Variants in PACRG observed in about 807,000 individuals in gnomAD.
The protein encoded by PACRG is parkin coregulated gene protein.
Under a neutral mutation model 29.7 loss-of-function variants are expected in PACRG, and 29 were observed. The ratio of observed to expected loss-of-function variants is 0.98; its 90% CI spans 0.73 to 1.33. PACRG has a LOEUF of 1.33. Ranked by LOEUF, PACRG falls within the 40% of genes most tolerant of loss-of-function variation. The probability of loss-of-function intolerance (pLI) is 0.00; values close to 1 mark genes in which losing one functional copy is unlikely to be tolerated. For missense variants in PACRG, 279 were observed against 316.2 expected (o/e 0.88, Z 0.89); for synonymous variants, 116 against 118.7 (o/e 0.98, Z 0.15).
At chr6:162,819,412 CAT>C (rs796543766) in intron 2 of PACRG, among the ~76,000 whole-genome samples, 2 of 152,170 alleles carry the variant, frequency 1.3e-5, no homozygotes, top group South Asian at 4.1e-4. Context: ...TGTTGACATA[CAT>C]ATGTCATTTA....
chr6:162,988,169 A>C (rs1803072030), intron 2 of PACRG, among the ~76,000 whole-genome samples: 2 of 152,178 alleles, frequency 1.3e-5, no homozygotes, highest in Admixed American at 6.6e-5. Flanking sequence ...TTTTCTCTCC[A>C]TCCAAGTGGG....
At chr6:163,297,184 C>T (rs1238352929) in intron 4 of PACRG, among the ~76,000 whole-genome samples, 2 of 152,148 alleles carry the variant, frequency 1.3e-5, no homozygotes, top group Non-Finnish European at 2.9e-5. Flanking sequence ...ACTTTGTCTC[C>T]CTATTATTCA....
At chr6:162,898,090 C>T (rs1235756771) in intron 2 of PACRG, among the ~76,000 whole-genome samples, 1 of 152,188 alleles carries the variant, frequency 6.6e-6, no homozygotes. Context: ...TGAAGTTTTG[C>T]CCTCCTAAGA....
At chr6:162,727,949 T>C, upstream of PACRG, 1 of 594,208 alleles carries the variant, frequency 1.7e-6, no homozygotes. Flanking sequence ...GGGGCGGGGC[T>C]ATGCGCCCGC....
intron 3 of PACRG, among the ~76,000 whole-genome samples, chr6:163,073,777 G>GA (rs1431551715): frequency 6.6e-6 from 1 of 152,160 alleles, no homozygotes; most frequent in African/African-American, 2.4e-5. Context: ...CAAAATATCT[G>GA]AATAGACATT....
intron 1 of PACRG, among the ~76,000 whole-genome samples, chr6:162,767,958 T>G (rs1782926752): frequency 1.3e-5 from 2 of 152,054 alleles, no homozygotes; most frequent in South Asian, 4.1e-4. Flanking sequence ...TTAATCTGTG[T>G]TTTTCACTAT....
Position 162,908,036 on chromosome 6 carries a change from A to G in PACRG, c.291+93755A>G, listed in dbSNP as rs958904089. Reference sequence around the variant, plus strand: ...TTCCTGCAAATTTTGAGAGTTATACATACGCCTCTCAAATAAATTGAAACT... The same window carrying G: ...TTCCTGCAAATTTTGAGAGTTATACGTACGCCTCTCAAATAAATTGAAACT... On this transcript the variant is annotated intron_variant, in intron 2 of 4. Transcript: ENST00000366888. Among the ~76,000 whole-genome samples, 4 of 152,368 alleles carry G rather than the reference A, an allele frequency of 2.6e-5. No homozygotes were observed. The South Asian group carries it at 8.3e-4, about 32-fold the overall frequency.
In PACRG at chr6:163,303,085, C is replaced by T. The variant is rs78048531; in HGVS notation, c.614-11742C>T. Among the ~76,000 whole-genome samples, 792 of 152,276 alleles carry T rather than the reference C, an allele frequency of 5.2e-3. 8 individuals are homozygous for T. The highest frequency in any genetic ancestry group is 0.018 in the African/African-American group (754 of 41,554). On this transcript the variant is annotated intron_variant, in intron 4 of 4. Transcript: ENST00000366888. ...GGGGGCCAAGCCTGTAATCCCAGCA[C>T]TTTGGGAGACCGAGGTGGGTGGATG... is the stretch of plus-strand genomic sequence containing the variant.
intron 2 of PACRG, among the ~76,000 whole-genome samples, chr6:162,854,926 T>G (rs563912562): frequency 5.7e-4 from 87 of 152,284 alleles, no homozygotes; most frequent in African/African-American, 1.9e-3. Context: ...CTTCCGCCCT[T>G]CCTCTTATCA....
intron 2 of PACRG, among the ~76,000 whole-genome samples, chr6:163,007,676 A>G (rs1805242906): frequency 6.6e-6 from 1 of 152,122 alleles, no homozygotes; most frequent in African/African-American, 2.4e-5. Flanking sequence ...TTCCATTGTC[A>G]GATGTCCAGT....
intron 2 of PACRG, among the ~76,000 whole-genome samples, chr6:162,866,351 G>A (rs1329154298): frequency 6.6e-6 from 1 of 152,078 alleles, no homozygotes; most frequent in Non-Finnish European, 1.5e-5. Context: ...TCTCCCCTAG[G>A]CCCTACCGTC....
At chr6:162,979,447 C>T (rs1441544275) in intron 2 of PACRG, among the ~76,000 whole-genome samples, 2 of 152,074 alleles carry the variant, frequency 1.3e-5, no homozygotes, top group Non-Finnish European at 2.9e-5. Context: ...ATCATTTGTA[C>T]ATATTTTCTC....
intron 3 of PACRG, among the ~76,000 whole-genome samples, chr6:163,080,047 C>T (rs979016170): frequency 1.1e-4 from 16 of 151,662 alleles, no homozygotes; most frequent in African/African-American, 3.1e-4. Flanking sequence ...TACAGGTGCC[C>T]GCCACCACGC....
At chr6:162,968,610 C>T (rs979881450) in intron 2 of PACRG, among the ~76,000 whole-genome samples, 11 of 152,080 alleles carry the variant, frequency 7.2e-5, no homozygotes, top group East Asian at 3.9e-4. Flanking sequence ...GATGTTCCAG[C>T]GTGACAGAAG....
intron 4 of PACRG, among the ~76,000 whole-genome samples, chr6:163,113,945 T>C (rs1216041473): frequency 6.6e-6 from 1 of 152,230 alleles, no homozygotes; most frequent in Non-Finnish European, 1.5e-5. Flanking sequence ...TTCATGTTTT[T>C]GGACATACAT....
chr6:163,113,828 G>T (rs914449187), intron 4 of PACRG, among the ~76,000 whole-genome samples: 5 of 152,110 alleles, frequency 3.3e-5, no homozygotes, highest in Admixed American at 1.3e-4. Flanking sequence ...TCTCGGTAAA[G>T]GTAAATACAT....
At chr6:163,067,351 G>T (rs1562883963) in intron 3 of PACRG, among the ~76,000 whole-genome samples, 1 of 152,256 alleles carries the variant, frequency 6.6e-6, no homozygotes, top group Non-Finnish European at 1.5e-5. Context: ...CGAGAGCCAG[G>T]CGTGGGACAT....
chr6:162,958,735 C>CGCGTGT (rs1584870386), intron 2 of PACRG, among the ~76,000 whole-genome samples: 1 of 144,760 alleles, frequency 6.9e-6, no homozygotes, highest in East Asian at 2.0e-4. Flanking sequence ...TACACATATG[C>CGCGTGT]GTGTGTGTGT....
intron 1 of PACRG, among the ~76,000 whole-genome samples, chr6:162,794,539 T>A (rs2128331684): frequency 6.6e-6 from 1 of 152,326 alleles, no homozygotes; most frequent in East Asian, 1.9e-4. Context: ...TAATAAAGAT[T>A]TTTTTCTGCA....
Sources: gnomAD v4.1 joint callset for allele counts (sites outside exome capture counted in the v4.1 genomes callset) on GRCh38, gnomAD v4.1.1 for gene constraint, MANE v1.5 for transcripts, NCBI Gene and HGNC (gene_info 2026-07-23, HGNC 2026-07-21) for gene names.